Variants in LRBA observed in about 807,000 individuals in gnomAD.
The protein encoded by LRBA is lipopolysaccharide-responsive and beige-like anchor protein.
LRBA carries 176 observed loss-of-function variants against 330.0 expected under a neutral mutation model. The observed-to-expected ratio is 0.53, with a 90% CI of 0.47 to 0.60. The LOEUF is 0.60. Ranked by LOEUF, LRBA falls within the 20% of genes least tolerant of loss-of-function variation. The pLI, the probability that LRBA is intolerant of heterozygous loss-of-function variation, is 0.00. For missense variants in LRBA, 3,259 were observed against 3,444.8 expected (o/e 0.95, Z 1.35); for synonymous variants, 1,230 against 1,193.0 (o/e 1.03, Z -0.64).
intron 22 of LRBA, among the ~76,000 whole-genome samples, chr4:150,855,505 T>C (rs1328306006): frequency 2.0e-5 from 3 of 152,176 alleles, no homozygotes; most frequent in Non-Finnish European, 2.9e-5. Context: ...TATTATACAA[T>C]GGATCAATAA....
chr4:150,899,352 G>T (rs764514026), intron 14 of LRBA, among the ~76,000 whole-genome samples: 2 of 152,132 alleles, frequency 1.3e-5, no homozygotes, highest in Non-Finnish European at 2.9e-5. Context: ...AGAAGAATTG[G>T]CAAGTGCAGT....
intron 44 of LRBA, among the ~76,000 whole-genome samples, chr4:150,441,398 C>T (rs1000277803): frequency 2.6e-5 from 4 of 151,950 alleles, no homozygotes; most frequent in Non-Finnish European, 5.9e-5. Context: ...AATTTTACTA[C>T]GAAAAGCATA....
intron 2 of LRBA, among the ~76,000 whole-genome samples, chr4:150,932,935 C>CA (rs1202132345): frequency 2.0e-5 from 3 of 151,494 alleles, no homozygotes; most frequent in Non-Finnish European, 2.9e-5. Context: ...AAAAGAAAAA[C>CA]AAAAAAATAG....
At chr4:150,908,297 C>A in intron 11 of LRBA, 37 bp downstream of exon 11, 1 of 1,592,914 alleles carries the variant, frequency 6.3e-7, no homozygotes, top group South Asian at 1.2e-5. Context: ...GAAATTAACC[C>A]TCACAGCCAA....
intron 53 of LRBA, among the ~76,000 whole-genome samples, chr4:150,288,945 C>A (rs1044319722): frequency 6.6e-6 from 1 of 152,088 alleles, no homozygotes; most frequent in Non-Finnish European, 1.5e-5. Context: ...ACAAAGTAAA[C>A]AAAGGACAGA....
chr4:150,693,431 G>A (rs993366004), intron 36 of LRBA, among the ~76,000 whole-genome samples: 1 of 150,076 alleles, frequency 6.7e-6, no homozygotes, highest in African/African-American at 2.4e-5. Context: ...GGGCGTAGTG[G>A]CGGGCGCCTG....
intron 36 of LRBA, among the ~76,000 whole-genome samples, chr4:150,728,938 T>G (rs1476375622): frequency 6.6e-6 from 1 of 152,194 alleles, no homozygotes; most frequent in African/African-American, 2.4e-5. Context: ...TGTGATCTTA[T>G]TTTTAGAAAA....
chr4:150,772,011 T>A (rs1736639064), intron 34 of LRBA, among the ~76,000 whole-genome samples: 1 of 152,122 alleles, frequency 6.6e-6, no homozygotes, highest in African/African-American at 2.4e-5. Context: ...ACATACCTCT[T>A]CCCCTAAACT....
At chr4:150,347,128 T>C (rs1373517263) in intron 48 of LRBA, among the ~76,000 whole-genome samples, 1 of 152,078 alleles carries the variant, frequency 6.6e-6, no homozygotes, top group African/African-American at 2.4e-5. Context: ...AAAAGACAAA[T>C]GTTGCAGCAT....
intron 36 of LRBA, among the ~76,000 whole-genome samples, chr4:150,716,305 G>A (rs1249134672): frequency 6.6e-6 from 1 of 152,048 alleles, no homozygotes; most frequent in African/African-American, 2.4e-5. Flanking sequence ...AATCTAGCTG[G>A]GCGTGGTTGT....
At chr4:150,891,608 C>T (rs898372767) in intron 17 of LRBA, among the ~76,000 whole-genome samples, 4 of 152,140 alleles carry the variant, frequency 2.6e-5, no homozygotes, top group African/African-American at 9.7e-5. Flanking sequence ...CAACATCAAC[C>T]CTTCCCTGGG....
intron 37 of LRBA, among the ~76,000 whole-genome samples, chr4:150,607,807 C>A (rs1035427155): frequency 6.6e-6 from 1 of 151,914 alleles, no homozygotes; most frequent in African/African-American, 2.4e-5. Flanking sequence ...GAGGCTGAGG[C>A]GGGCGGATCA....
intron 47 of LRBA, among the ~76,000 whole-genome samples, chr4:150,410,761 T>C (rs1746875575): frequency 6.6e-6 from 1 of 152,162 alleles, no homozygotes; most frequent in Admixed American, 6.5e-5. Context: ...CTATTATAAT[T>C]TGAATCAATT....
rs538553155 is a variant in LRBA, at chr4:150,560,994, G to A, written c.6330+27054C>T. Among the ~76,000 whole-genome samples, 7 of 151,902 alleles carry A rather than the reference G, an allele frequency of 4.6e-5. No homozygotes were observed. In the South Asian group the frequency reaches 1.5e-3, roughly 32 times the overall value. ...GAGCGAAACTCCATCTCAAAAAAAA[G>A]AAAAAGGTTACTATCAGTAAATGCT... is the stretch of plus-strand genomic sequence containing the variant. On this transcript the variant is annotated intron_variant, in intron 40 of 56. Coordinates refer to ENST00000651943, the MANE Select transcript of LRBA (RefSeq NM_001364905.1).
At chr4:150,920,503 C>A (rs2912482) in intron 5 of LRBA, among the ~76,000 whole-genome samples, 121,802 of 151,866 alleles carry the variant, frequency 0.8, 53,704 homozygotes, top group East Asian at 1. Context: ...GAGCCGAGAT[C>A]GCACCACTGC....
At chr4:150,943,628 T>C (rs1404806224) in intron 2 of LRBA, among the ~76,000 whole-genome samples, 1 of 152,212 alleles carries the variant, frequency 6.6e-6, no homozygotes. Context: ...TTCAGGTAAG[T>C]AGTTTAACTC....
intron 22 of LRBA, among the ~76,000 whole-genome samples, chr4:150,861,377 T>C (rs1012623424): frequency 6.6e-6 from 1 of 152,012 alleles, no homozygotes; most frequent in Non-Finnish European, 1.5e-5. Flanking sequence ...CTTTCAGACT[T>C]GGCCTCCCAA....
At position 150,717,675 on chromosome 4, in the gene LRBA, GTAATAA is replaced by G. The variant is rs10522737; in HGVS notation, c.5754+17577_5754+17582del. ...ACTCTGTCTCAAAATAACAATAATA[GTAATAA>G]TAATAATAATAATAATAATAATCAG... On this transcript the variant is annotated intron_variant, in intron 36 of 56. Transcript: ENST00000651943. Among the ~76,000 whole-genome samples, 17 of 139,768 alleles carry G rather than the reference GTAATAA, an allele frequency of 1.2e-4. No homozygotes were observed. In the South Asian group the frequency reaches 1.9e-3, roughly 15 times the overall value. The allele number at this position is 139,768 out of a possible 152,430, so 91.7% of individuals were successfully genotyped here.
At chr4:150,419,963 A>T (rs1290766373) in intron 46 of LRBA, among the ~76,000 whole-genome samples, 1 of 148,402 alleles carries the variant, frequency 6.7e-6, no homozygotes, top group Non-Finnish European at 1.5e-5. Flanking sequence ...TAGCCCAGGC[A>T]CCGTGGCTAA....
Sources: gnomAD v4.1 joint callset for allele counts (sites outside exome capture counted in the v4.1 genomes callset) on GRCh38, gnomAD v4.1.1 for gene constraint, MANE v1.5 for transcripts, NCBI Gene and HGNC (gene_info 2026-07-23, HGNC 2026-07-21) for gene names.